The following GARIN5B variants were observed in gnomAD, a reference collection of about 807,000 sequenced individuals.
GARIN5B encodes golgi associated RAB2 interactor family member 5B.
chr19:55,362,132 A>C, the GARIN5B span: 1 of 1,343,282 alleles, frequency 7.4e-7, no homozygotes, highest in Non-Finnish European at 9.8e-7. Flanking sequence ...CCCTCTACTC[A>C]GGGGTCCAGG....
the GARIN5B span, chr19:55,361,363 C>A: frequency 1.7e-5 from 26 of 1,537,376 alleles, no homozygotes; most frequent in Non-Finnish European, 2.2e-5. Flanking sequence ...TCTGTCCCTG[C>A]GACGGGGAGA....
chr19:55,360,996 C>T, the GARIN5B span: 3 of 1,550,786 alleles, frequency 1.9e-6, no homozygotes, highest in Non-Finnish European at 1.7e-6. Context: ...GACCCCACGC[C>T]CACTTCTTTT....
the GARIN5B span, chr19:55,359,537 G>A: frequency 6.4e-7 from 1 of 1,551,522 alleles, no homozygotes; most frequent in Admixed American, 2.0e-5. Context: ...AGCTGACGCA[G>A]CTGGGGCCTT....
chr19:55,360,085 G>T, the GARIN5B span: 1 of 921,304 alleles, frequency 1.1e-6, no homozygotes, highest in African/African-American at 1.7e-5. Context: ...AGGAGTCCAG[G>T]CCCCAGCCCC....
the GARIN5B span, among the ~76,000 whole-genome samples, chr19:55,357,201 CTTTGTGGCCT>C: frequency 1.3e-5 from 2 of 152,168 alleles, no homozygotes; most frequent in Admixed American, 6.5e-5. Context: ...GAAATGGGGT[CTTTGTGGCCT>C]TTTCTGTCCT....
At chr19:55,355,318 C>A in the GARIN5B span, 1 of 1,550,424 alleles carries the variant, frequency 6.4e-7, no homozygotes, top group Non-Finnish European at 8.7e-7. Flanking sequence ...CCGCATCCGG[C>A]CACTCGGAGT....
the GARIN5B span, chr19:55,360,891 G>C: frequency 6.5e-7 from 1 of 1,543,728 alleles, no homozygotes; most frequent in African/African-American, 1.4e-5. Flanking sequence ...GTCGGGGCGG[G>C]GGTCTGAGTG....
the GARIN5B span, chr19:55,358,214 G>C: frequency 6.5e-7 from 1 of 1,548,156 alleles, no homozygotes; most frequent in Non-Finnish European, 8.7e-7. Flanking sequence ...GTTCCTCACA[G>C]TTTCAAGTTC....
the GARIN5B span, chr19:55,358,134 A>AC: frequency 6.9e-7 from 1 of 1,456,904 alleles, no homozygotes; most frequent in African/African-American, 1.4e-5. Context: ...ATAGCTGCTA[A>AC]CCCCCGCTAC....
the GARIN5B span, chr19:55,359,751 T>C: frequency 3.9e-6 from 6 of 1,551,084 alleles, no homozygotes; most frequent in Non-Finnish European, 4.4e-6. Context: ...GAGTAGGGTG[T>C]GGAGAGGCAG....
chr19:55,363,219 G>A, the GARIN5B span: 7 of 772,242 alleles, frequency 9.1e-6, no homozygotes, highest in East Asian at 6.8e-5. This position sits in a 1 kb window ranked among gnomAD's most constrained non-coding sequence, Gnocchi z 4.0. Context: ...TGGGAGACTC[G>A]GGCCTCCGCC....
the GARIN5B span, chr19:55,362,998 C>A: frequency 6.7e-7 from 1 of 1,487,068 alleles, no homozygotes; most frequent in Non-Finnish European, 8.9e-7. Flanking sequence ...GCAGCTCCCC[C>A]AGAACAGGGA....
the GARIN5B span, chr19:55,358,431 AG>A: frequency 2.0e-6 from 3 of 1,511,422 alleles, no homozygotes; most frequent in Non-Finnish European, 2.7e-6. Context: ...GGCGCCTGGG[AG>A]ATTCCTTCCC....
chr19:55,355,062 T>C, the GARIN5B span: 2 of 315,602 alleles, frequency 6.3e-6, no homozygotes, highest in African/African-American at 4.8e-5. Context: ...AACATTCCGC[T>C]TCCTACAGTC....
At chr19:55,361,213 C>A in the GARIN5B span, 1 of 1,551,168 alleles carries the variant, frequency 6.4e-7, no homozygotes, top group Non-Finnish European at 8.7e-7. Flanking sequence ...CCGTCTTATG[C>A]GGAAAGTTGC....
At chr19:55,360,730 A>ATGATGCTGAAGATGGTCCAGGTGG in the GARIN5B span, 1 of 1,551,726 alleles carries the variant, frequency 6.4e-7, no homozygotes, top group Non-Finnish European at 8.7e-7. Context: ...GGTGCTGGAA[A>ATGATGCTGAAGATGGTCCAGGTGG]TGATGCTGAA....
At chr19:55,358,715 G>A in the GARIN5B span, 1 of 1,550,738 alleles carries the variant, frequency 6.4e-7, no homozygotes, top group South Asian at 1.2e-5. Flanking sequence ...GGAGGGAAGT[G>A]AGACCAAAGC....
the GARIN5B span, chr19:55,358,658 G>A: frequency 6.4e-7 from 1 of 1,551,388 alleles, no homozygotes; most frequent in Admixed American, 2.0e-5. Context: ...GGAGGGCACT[G>A]AAGCCATCAT....
chr19:55,355,352 G>T, the GARIN5B span: 1 of 1,550,428 alleles, frequency 6.4e-7, no homozygotes, highest in Non-Finnish European at 8.7e-7. Context: ...CAGGCTGCAG[G>T]GAGAAAGCAA....
Sources: allele counts gnomAD v4.1 joint callset (sites outside exome capture counted in the v4.1 genomes callset), GRCh38; gene constraint gnomAD v4.1.1; non-coding constraint Gnocchi (gnomAD v3.1); transcripts MANE v1.5; gene names NCBI Gene and HGNC (gene_info 2026-07-23, HGNC 2026-07-21).